MAST4: variants seen among roughly 807,000 people sequenced by gnomAD.
MAST4 encodes the protein microtubule associated serine/threonine kinase family member 4, also known as microtubule-associated serine/threonine-protein kinase 4.
In MAST4, 89 loss-of-function variants were observed where a neutral mutation model predicts 162.7. That is an observed-to-expected ratio of 0.55 (90% CI 0.46 to 0.65). MAST4 has a LOEUF of 0.65. MAST4 is among the 30% of genes least tolerant of loss of function. MAST4 has a pLI of 0.00. For synonymous variants in MAST4, 1,479 were observed against 1,361.1 expected (o/e 1.09, Z -1.91); for missense variants, 3,153 against 3,374.0 (o/e 0.93, Z 1.62).
intron 1 of MAST4, among the ~76,000 whole-genome samples, chr5:66,678,866 A>C (rs1180594943): frequency 6.6e-6 from 1 of 150,912 alleles, no homozygotes; most frequent in African/African-American, 2.4e-5. Flanking sequence ...ATCTCTGCCC[A>C]TTGCAACCTC....
chr5:67,043,989 T>C (rs1757074472), intron 4 of MAST4, among the ~76,000 whole-genome samples: 2 of 152,158 alleles, frequency 1.3e-5, no homozygotes, highest in African/African-American at 4.8e-5. Context: ...TTTGCTACTT[T>C]GATAACCCAG....
chr5:66,667,777 A>C (rs1024400420), intron 1 of MAST4, among the ~76,000 whole-genome samples: 3 of 141,926 alleles, frequency 2.1e-5, no homozygotes, highest in Non-Finnish European at 4.6e-5. Flanking sequence ...TAGTATCTCC[A>C]ACAAATTATA....
At chr5:66,812,054 C>T (rs143042781) in intron 3 of MAST4, among the ~76,000 whole-genome samples, 18 of 152,036 alleles carry the variant, frequency 1.2e-4, no homozygotes, top group Admixed American at 5.9e-4. Flanking sequence ...GTGTTTGGGT[C>T]GGGAGGGAGA....
intron 4 of MAST4, among the ~76,000 whole-genome samples, chr5:67,013,161 G>A (rs759645992): frequency 1.1e-4 from 16 of 152,290 alleles, no homozygotes; most frequent in Non-Finnish European, 2.2e-4. Context: ...AGTAGTACAA[G>A]CAAAATGCAG....
chr5:67,060,715 G>A (rs1258264391), intron 5 of MAST4, among the ~76,000 whole-genome samples: 1 of 152,020 alleles, frequency 6.6e-6, no homozygotes, highest in Non-Finnish European at 1.5e-5. Flanking sequence ...CTGACCTCGT[G>A]ATCCACCTGC....
chr5:66,845,126 T>TATATATACACAC (rs1358855625), intron 3 of MAST4, among the ~76,000 whole-genome samples: 123 of 67,130 alleles, frequency 1.8e-3, no homozygotes, highest in East Asian at 5.6e-3. Context: ...TATATATATA[T>TATATATACACAC]ACACACACAC....
chr5:67,165,880 G>T lies in MAST4; in HGVS notation c.6701G>T (p.Gly2234Val). 6.2e-7 allele frequency: 1 copy of T among 1,613,378 alleles called. No homozygotes were observed. Among genetic ancestry groups the T allele is most frequent in the South Asian group, 1.1e-5 (1 of 91,086 alleles). ...GKEPATQSLG[G>V]SSREGKGHSK... is the part of the protein sequence containing the mutation. ...GAGCCTGCCACTCAGTCCCTCGGTG[G>T]CTCTAGCAGAGAGGGGAAGGGCCAC... is the stretch of plus-strand genomic sequence containing the variant. Residue 2234 changes from glycine to valine, a missense_variant, in exon 29 of 29, where the codon GGC becomes GTC. Coordinates refer to ENST00000403625, the MANE Select transcript of MAST4 (RefSeq NM_001164664.2).
intron 3 of MAST4, among the ~76,000 whole-genome samples, chr5:66,811,870 G>T (rs561161394): frequency 4.1e-4 from 63 of 152,330 alleles, no homozygotes; most frequent in African/African-American, 1.5e-3. Context: ...TGCAAATGCA[G>T]TAGGGGTGGG....
At chr5:66,917,082 C>G (rs1258350032) in intron 4 of MAST4, 1 of 715,512 alleles carries the variant, frequency 1.4e-6, no homozygotes, top group Non-Finnish European at 2.6e-6. Context: ...TCACCTTCAC[C>G]CATAAGAATG....
chr5:66,823,578 A>G (rs1413972185), intron 3 of MAST4, among the ~76,000 whole-genome samples: 2 of 152,138 alleles, frequency 1.3e-5, no homozygotes, highest in Non-Finnish European at 2.9e-5. Context: ...CCTGGGTTCA[A>G]GAGATTCTCA....
intron 4 of MAST4, among the ~76,000 whole-genome samples, chr5:67,036,933 A>G (rs937551413): frequency 2.0e-5 from 3 of 152,176 alleles, no homozygotes; most frequent in Non-Finnish European, 4.4e-5. Context: ...TAGGAGAAAG[A>G]GACTAATCAT....
chr5:66,792,556 G>A (rs1331845709), intron 3 of MAST4: 3 of 151,426 alleles, frequency 2.0e-5, no homozygotes, highest in African/African-American at 7.3e-5. Flanking sequence ...TTTTTTTTTA[G>A]TTGCAGGTTG....
intron 6 of MAST4, among the ~76,000 whole-genome samples, chr5:67,092,213 T>C (rs1271461410): frequency 6.6e-6 from 1 of 152,232 alleles, no homozygotes; most frequent in African/African-American, 2.4e-5. Flanking sequence ...GAGGAAATAT[T>C]GCTCTGTTTT....
intron 3 of MAST4, among the ~76,000 whole-genome samples, chr5:66,821,300 G>T (rs902318090): frequency 6.6e-6 from 1 of 152,188 alleles, no homozygotes; most frequent in Non-Finnish European, 1.5e-5. Context: ...GACATATACA[G>T]TACATGTCTG....
intron 21 of MAST4, 111 bp downstream of exon 21, chr5:67,142,644 C>G: frequency 1.4e-6 from 1 of 712,674 alleles, no homozygotes; most frequent in Non-Finnish European, 2.4e-6. Flanking sequence ...TTTGAGGTCT[C>G]CTATGCTTAA....
intron 2 of MAST4, among the ~76,000 whole-genome samples, chr5:66,761,784 C>T (rs535346388): frequency 6.6e-6 from 1 of 152,240 alleles, no homozygotes; most frequent in East Asian, 1.9e-4. Context: ...TACTGATGCT[C>T]TTCTAATGCT....
At chr5:66,977,015 C>T (rs1478701131) in intron 4 of MAST4, among the ~76,000 whole-genome samples, 1 of 152,140 alleles carries the variant, frequency 6.6e-6, no homozygotes. Context: ...AACCAAGCGA[C>T]AGATCTCTGT....
At chr5:66,870,074 G>A (rs1760815821) in intron 3 of MAST4, among the ~76,000 whole-genome samples, 1 of 152,180 alleles carries the variant, frequency 6.6e-6, no homozygotes, top group Non-Finnish European at 1.5e-5. Flanking sequence ...ATAGGAAGGT[G>A]TTATGCCTTT....
At chr5:66,893,354 T>C (rs1275558371) in intron 3 of MAST4, among the ~76,000 whole-genome samples, 1 of 151,806 alleles carries the variant, frequency 6.6e-6, no homozygotes, top group Non-Finnish European at 1.5e-5. Context: ...CACAGGCACG[T>C]GCCACCACGC....
Sources: allele counts gnomAD v4.1 joint callset (sites outside exome capture counted in the v4.1 genomes callset), GRCh38; gene constraint gnomAD v4.1.1; transcripts MANE v1.5; gene names NCBI Gene and HGNC (gene_info 2026-07-23, HGNC 2026-07-21).